Variants in CLUH observed in about 807,000 individuals in gnomAD.
CLUH encodes the protein clustered mitochondria protein homolog.
CLUH carries 77 observed loss-of-function variants against 139.3 expected under a neutral mutation model. That is an observed-to-expected ratio of 0.55 (90% CI 0.46 to 0.67). The LOEUF is 0.67. Among genes scored for constraint, CLUH ranks in the 30% least tolerant of loss-of-function variants. The probability of loss-of-function intolerance (pLI) is 0.00; values close to 1 mark genes in which losing one functional copy is unlikely to be tolerated. For missense variants in CLUH, 1,876 were observed against 1,875.8 expected (o/e 1.00, Z 0.00); for synonymous variants, 999 against 801.6 (o/e 1.25, Z -4.16).
At chr17:2,690,821 T>TG (rs750029127) in intron 25 of CLUH, 44 bp from the exon 26 acceptor site, 1 of 1,398,184 alleles carries the variant, frequency 7.2e-7, no homozygotes, top group Non-Finnish European at 9.4e-7. Flanking sequence ...AGAGGAGTCC[T>TG]GGGGGCTCCA....
At chr17:2,700,106 G>A (rs2070119379) in intron 9 of CLUH, among the ~76,000 whole-genome samples, 2 of 152,380 alleles carry the variant, frequency 1.3e-5, no homozygotes, top group South Asian at 4.1e-4. Context: ...ACAGAGGGCG[G>A]GAAGCTGCAC....
chr17:2,702,195 T>A, intron 3 of CLUH, 138 bp from the exon 4 acceptor site: 1 of 1,012,358 alleles, frequency 9.9e-7, no homozygotes, highest in Non-Finnish European at 1.4e-6. Context: ...CAAATTCCAC[T>A]GTGAACACAT....
intron 1 of CLUH, among the ~76,000 whole-genome samples, chr17:2,709,100 G>A (rs2070438289): frequency 6.6e-6 from 1 of 152,082 alleles, no homozygotes; most frequent in Non-Finnish European, 1.5e-5. Context: ...GGAGGCGCCG[G>A]GAGCTCAAAG....
rs2070389236 is a variant in CLUH, at chr17:2,707,740, TAAGGTG to T, written c.101-3182_101-3177del. 1.0e-6 allele frequency: 1 copy of T among 985,232 alleles called. No homozygotes were observed. Among genetic ancestry groups the T allele is most frequent in the Non-Finnish European group, 1.2e-6 (1 of 829,892 alleles). The allele number at this position is 985,232 out of a possible 1,614,324, so 61.0% of individuals were successfully genotyped here. A position where few individuals can be genotyped will look rare whatever the true frequency, so the allele number is the denominator to read the frequency against. ...CTGGCACAGACCCGGGTCCAGGCCA[TAAGGTG>T]GCTGCCTCTGCCCACCAGTCCCAGA... On this transcript the variant is annotated intron_variant, in intron 1 of 25. Transcript: ENST00000651024. This position sits in a 1 kb window ranked among gnomAD's most constrained non-coding sequence, Gnocchi z 7.4.
rs1425766052 is a variant in CLUH, at chr17:2,707,281, T to C, written c.101-2717A>G. On this transcript the variant is annotated intron_variant, in intron 1 of 25. Transcript: ENST00000651024. The surrounding 1 kb of genome is among the most constrained non-coding windows in gnomAD (Gnocchi z 7.4). ...GCCCCAGCATTGCCCGGGTTCCTTG[T>C]TCCAGCCTCTGCCGCTACCCTTGCC... is the stretch of plus-strand genomic sequence containing the variant. 2.0e-6 allele frequency: 2 copies of C among 985,300 alleles called. No individual in the cohort carries two copies. The highest frequency in any genetic ancestry group is 3.5e-5 in the African/African-American group (2 of 57,242). 61.0% of individuals were successfully genotyped at this position (985,300 alleles called of 1,614,324 possible). A position where few individuals can be genotyped will look rare whatever the true frequency, so the allele number is the denominator to read the frequency against.
At chr17:2,711,393 G>A (rs1488711766) in intron 1 of CLUH, among the ~76,000 whole-genome samples, 169 bp downstream of exon 1, 1 of 152,092 alleles carries the variant, frequency 6.6e-6, no homozygotes, top group Admixed American at 6.5e-5. Context: ...CGCAGCCGGG[G>A]GCGACTGTGA....
chr17:2,691,319 T>C (rs1044096903), intron 25 of CLUH, among the ~76,000 whole-genome samples: 2 of 151,830 alleles, frequency 1.3e-5, no homozygotes, highest in Non-Finnish European at 2.9e-5. Context: ...ATCCCAGCAC[T>C]CTGAGAGGCC....
intron 8 of CLUH, 101 bp from the exon 9 acceptor site, chr17:2,700,575 C>T (rs2151711964): frequency 1.3e-6 from 2 of 1,536,688 alleles, no homozygotes; most frequent in Non-Finnish European, 1.8e-6. Flanking sequence ...CCCCAGACTC[C>T]CAAATGAAGT....
In CLUH at chr17:2,701,615, T is replaced by C. The variant is rs758466305; in HGVS notation, c.742A>G (p.Lys248Glu). ...TCCTCCCTCCCCCAGGATCCTACCT[T>C]CCAGTCACGGTTTTGGGGCTGCAGG... ...CPLQPQNRDW[K>E]PLQCLKVLTM... The change falls in exon 5 of 26, where the codon AAG (lysine) becomes GAG (glutamate). Residue 248 changes from lysine to glutamate, a missense_variant and splice_region_variant. By Grantham distance (56) the Lys-to-Glu change is moderately conservative. Transcript: ENST00000651024. 6.2e-7 allele frequency: 1 copy of C among 1,609,356 alleles called. No individual in the cohort carries two copies. Among genetic ancestry groups the C allele is most frequent in the Non-Finnish European group, 8.5e-7 (1 of 1,177,856 alleles).
chr17:2,691,165 G>A (rs1422693119), intron 25 of CLUH, among the ~76,000 whole-genome samples: 1 of 152,138 alleles, frequency 6.6e-6, no homozygotes, highest in East Asian at 1.9e-4. Flanking sequence ...GCGTGGGGAG[G>A]GAATGAAGCC....
Position 2,703,588 on chromosome 17 carries a change from G to T in CLUH, c.304-99C>A. The T allele has an allele frequency of 8.3e-7, 1 of 1,210,680 alleles. No homozygotes were observed. The highest frequency in any genetic ancestry group is 1.2e-6 in the Non-Finnish European group (1 of 850,778). 75.0% of individuals were successfully genotyped at this position (1,210,680 alleles called of 1,614,324 possible). A position where few individuals can be genotyped will look rare whatever the true frequency, so the allele number is the denominator to read the frequency against. On this transcript the variant is annotated intron_variant, in intron 2 of 25. Coordinates refer to ENST00000651024, the MANE Select transcript of CLUH (RefSeq NM_001366661.1). The surrounding 1 kb of genome is among the most constrained non-coding windows in gnomAD (Gnocchi z 4.2). Reference sequence around the variant, plus strand: ...GAGAGGCCACGTAGCGGACAGCAAGGACAATATCCCCTTGTCCCCAGCCCA... The same window carrying T: ...GAGAGGCCACGTAGCGGACAGCAAGTACAATATCCCCTTGTCCCCAGCCCA...
At position 2,698,304 on chromosome 17, in the gene CLUH, T is replaced by C. The variant is rs747191483; in HGVS notation, c.1553A>G (p.Tyr518Cys). ...LGTVVVDYRG[Y>C]RVTAQSIIPG... Reference sequence around the variant, plus strand: ...GATGATGGACTGGGCCGTGACCCGGTAGCCGCGGTAATCCACCACCACCGT... The same window carrying C: ...GATGATGGACTGGGCCGTGACCCGGCAGCCGCGGTAATCCACCACCACCGT... Residue 518 changes from tyrosine to cysteine, a missense_variant, in exon 10 of 26, where the codon TAC (tyrosine) becomes TGC (cysteine). Tyr to Cys is a radical substitution (Grantham distance 194). This residue lies in a region of CLUH where 1,454 missense variants were observed against 1,384.4 expected (regional missense o/e 1.05). Transcript: ENST00000651024. 16 of 1,612,458 alleles carry C rather than the reference T, an allele frequency of 9.9e-6. No individual in the cohort carries two copies. Among genetic ancestry groups the C allele is most frequent in the Admixed American group, 1.7e-5 (1 of 59,910 alleles).
intron 13 of CLUH, 196 bp from the exon 14 acceptor site, chr17:2,695,722 G>A (rs1450172151): frequency 1.4e-5 from 10 of 704,294 alleles, no homozygotes; most frequent in Non-Finnish European, 2.1e-5. Context: ...TGGTGGTACA[G>A]GCCCCCTCTA....
rs746163579 is a variant in CLUH at position 2,703,503 on chromosome 17, G to T, written c.304-14C>A. On this transcript the variant is annotated splice_polypyrimidine_tract_variant and intron_variant, in intron 2 of 25. Coordinates refer to ENST00000651024, the MANE Select transcript of CLUH (RefSeq NM_001366661.1). This position sits in a 1 kb window ranked among gnomAD's most constrained non-coding sequence, Gnocchi z 4.2. ...CTGGGGGGACACCTGCAGGGAGAAG[G>T]CCCCGCCCACCCCGGTGAGAGAGCA... 3 of 1,610,014 alleles carry T rather than the reference G, an allele frequency of 1.9e-6. No homozygotes were observed.
At chr17:2,700,261 C>T (rs1442448100) in intron 9 of CLUH, 121 bp downstream of exon 9, 12 of 875,284 alleles carry the variant, frequency 1.4e-5, no homozygotes, top group Non-Finnish European at 1.9e-5. Flanking sequence ...GACTGGCCTT[C>T]GGGGAACCTG....
intron 11 of CLUH, 46 bp from the exon 12 acceptor site, chr17:2,696,584 G>T: frequency 6.5e-7 from 1 of 1,534,696 alleles, no homozygotes; most frequent in Non-Finnish European, 8.8e-7. Flanking sequence ...TCTGCCACCG[G>T]TGGAGCTGGG....
At position 2,700,241 on chromosome 17, in the gene CLUH, G is replaced by C. The variant is rs575872450; in HGVS notation, c.1266+141C>G. 8.6e-5 allele frequency: 60 copies of C among 698,682 alleles called. No individual in the cohort carries two copies. The East Asian group carries it at 1.5e-3, about 17-fold the overall frequency. The allele number at this position is 698,682 out of a possible 1,614,324, so 43.3% of individuals were successfully genotyped here. A position where few individuals can be genotyped will look rare whatever the true frequency, so the allele number is the denominator to read the frequency against. ...GAGGCGGAAGGCTAGCAGACCCTGC[G>C]GGAGACGCTGACTGGCCTTCGGGGA... On this transcript the variant is annotated intron_variant, in intron 9 of 25. Coordinates refer to ENST00000651024, the MANE Select transcript of CLUH (RefSeq NM_001366661.1).
Position 2,698,319 on chromosome 17 carries a change from A to G in CLUH, c.1538T>C (p.Val513Ala). 1.9e-6 allele frequency: 3 copies of G among 1,612,624 alleles called. No individual in the cohort carries two copies. In the South Asian group the frequency reaches 3.3e-5, roughly 18 times the overall value. ...CGTGACCCGGTAGCCGCGGTAATCC[A>G]CCACCACCGTGCCCAGCGTGTACAG... ...EGLYTLGTVV[V>A]DYRGYRVTAQ... The change falls in exon 10 of 26, where the codon GTG (valine) becomes GCG (alanine). Residue 513 changes from valine to alanine, a missense_variant. Val to Ala is a moderately conservative substitution (Grantham distance 64, BLOSUM62 0). Transcript: ENST00000651024.
At position 2,695,209 on chromosome 17, in the gene CLUH, G is replaced by A. The variant is rs376185650; in HGVS notation, c.2607+9C>T. 75 of 1,613,718 alleles carry A rather than the reference G, an allele frequency of 4.6e-5. 1 individual carries two copies. Among genetic ancestry groups the A allele is most frequent in the South Asian group, 3.7e-4 (34 of 91,078 alleles). On this transcript the variant is annotated intron_variant, in intron 15 of 25. Transcript: ENST00000651024. ...GGCCATGGCCAGCCGCAGAGCGGAC[G>A]GGTGGCACCTGTAAGTACGTCTTGA...
Sources: gnomAD v4.1 joint callset for allele counts (sites outside exome capture counted in the v4.1 genomes callset) on GRCh38, gnomAD v4.1.1 for gene constraint, gnomAD v4.1.1 regional missense constraint, Gnocchi (gnomAD v3.1) non-coding constraint, MANE v1.5 for transcripts, NCBI Gene and HGNC (gene_info 2026-07-23, HGNC 2026-07-21) for gene names.